The following BAZ1B variants were observed in gnomAD, a reference collection of about 807,000 sequenced individuals.
BAZ1B encodes bromodomain adjacent to zinc finger domain 1B.
In BAZ1B, 22 loss-of-function variants were observed where a neutral mutation model predicts 153.8. The observed-to-expected ratio is 0.14, with a 90% CI of 0.10 to 0.20. The LOEUF is 0.20. BAZ1B is among the 10% of genes least tolerant of loss of function. The pLI is 1.00. For missense variants in BAZ1B, 1,325 were observed against 1,799.3 expected (o/e 0.74, Z 4.77); for synonymous variants, 676 against 633.4 (o/e 1.07, Z -1.01).
intron 6 of BAZ1B, among the ~76,000 whole-genome samples, chr7:73,487,075 T>C (rs982908498): frequency 1.3e-4 from 20 of 152,218 alleles, no homozygotes; most frequent in African/African-American, 4.6e-4. Context: ...AGTCTTAAGT[T>C]TTCTGAGTAA....
intron 15 of BAZ1B, among the ~76,000 whole-genome samples, chr7:73,449,078 A>G (rs1554567453): frequency 1.3e-5 from 2 of 152,180 alleles, no homozygotes; most frequent in South Asian, 4.1e-4. Flanking sequence ...CATTGGATTG[A>G]TATCATGGCA....
At position 73,469,510 on chromosome 7, in the gene BAZ1B, T is replaced by C; in HGVS notation, c.2866+7A>G. The C allele has an allele frequency of 1.2e-6, 2 of 1,614,176 alleles. No homozygotes were observed. Among genetic ancestry groups the C allele is most frequent in the Non-Finnish European group, 1.7e-6 (2 of 1,180,012 alleles). On this transcript the variant is annotated splice_region_variant and intron_variant, in intron 9 of 19. Coordinates refer to ENST00000339594, the MANE Select transcript of BAZ1B (RefSeq NM_032408.4). ...GAAATAACTCTTAGATATACAGATATACTCACTGCGAGGACAGTAATCCTC... is the reference window on the plus strand; with the variant it reads ...GAAATAACTCTTAGATATACAGATACACTCACTGCGAGGACAGTAATCCTC...
chr7:73,482,576 T>A (rs1554573843), intron 6 of BAZ1B, among the ~76,000 whole-genome samples: 3 of 152,222 alleles, frequency 2.0e-5, no homozygotes, highest in Admixed American at 6.5e-5. Flanking sequence ...TTTAATAGGG[T>A]CTGTTACAAT....
At chr7:73,492,559 A>G (rs782434908) in intron 5 of BAZ1B, among the ~76,000 whole-genome samples, 2 of 152,210 alleles carry the variant, frequency 1.3e-5, no homozygotes, top group South Asian at 4.1e-4. Flanking sequence ...TCAAGCTCAA[A>G]TGTAAATTAC....
rs531856834 is a variant in BAZ1B, at chr7:73,522,257, T to G, written c.-324A>C. 7 of 367,086 alleles carry G rather than the reference T, an allele frequency of 1.9e-5. No homozygotes were observed. Among genetic ancestry groups the G allele is most frequent in the Middle Eastern group, 7.0e-4 (1 of 1,430 alleles). 22.7% of individuals were successfully genotyped at this position (367,086 alleles called of 1,614,324 possible). ...GAAATTATTGAAAAATGGCGGGAGA[T>G]TCCCCTCCTCCCCCGGGCCCGGCCA... On this transcript the variant is annotated 5_prime_UTR_variant, in exon 1 of 20. Coordinates refer to ENST00000339594, the MANE Select transcript of BAZ1B (RefSeq NM_032408.4).
At chr7:73,504,515 T>G (rs1277320549) in intron 3 of BAZ1B, among the ~76,000 whole-genome samples, 1 of 151,776 alleles carries the variant, frequency 6.6e-6, no homozygotes, top group Non-Finnish European at 1.5e-5. Context: ...TACAAAAAAA[T>G]TAGCGAGGCA....
chr7:73,465,565 T>C, intron 10 of BAZ1B, 28 bp from the exon 11 acceptor site: 1 of 1,373,544 alleles, frequency 7.3e-7, no homozygotes, highest in Non-Finnish European at 1.0e-6. Context: ...ACCTGATAAC[T>C]CTGAAAAAAA....
At chr7:73,495,817 G>C (rs1789855314) in intron 4 of BAZ1B, among the ~76,000 whole-genome samples, 1 of 152,138 alleles carries the variant, frequency 6.6e-6, no homozygotes, top group Admixed American at 6.6e-5. Context: ...CTTGTAAGTG[G>C]GAGCTAAATG....
chr7:73,501,465 CCT>C (rs1790130741), intron 3 of BAZ1B, among the ~76,000 whole-genome samples: 2 of 151,992 alleles, frequency 1.3e-5, no homozygotes, highest in Non-Finnish European at 2.9e-5. Flanking sequence ...TTATGTCATA[CCT>C]CTTTTCCTTT....
rs1280681891 is a variant in BAZ1B, at chr7:73,504,830, T to C, written c.369+3497A>G. Among the ~76,000 whole-genome samples, 6 of 151,626 alleles carry C rather than the reference T, an allele frequency of 4.0e-5. 1 individual carries two copies. The South Asian group carries it at 1.0e-3, about 26-fold the overall frequency. On this transcript the variant is annotated intron_variant, in intron 3 of 19. Transcript: ENST00000339594. ...AAGACACAGCAAGACCCTGTCTCAA[T>C]AAAAAACAAACAAAGAAACAAAAAC... is the stretch of plus-strand genomic sequence containing the variant.
At chr7:73,507,675 A>T (rs1229149435) in intron 3 of BAZ1B, among the ~76,000 whole-genome samples, 2 of 152,236 alleles carry the variant, frequency 1.3e-5, no homozygotes, top group Admixed American at 6.5e-5. Context: ...TACAATACTA[A>T]AACATTCTCA....
chr7:73,491,001 A>T (rs560905373), intron 5 of BAZ1B, among the ~76,000 whole-genome samples: 1 of 151,530 alleles, frequency 6.6e-6, no homozygotes, highest in South Asian at 2.1e-4. Flanking sequence ...ATATAAAAAA[A>T]TCCTGGCCAG....
At chr7:73,492,175 T>C (rs572239438) in intron 5 of BAZ1B, among the ~76,000 whole-genome samples, 118 of 150,318 alleles carry the variant, frequency 7.9e-4, no homozygotes, top group Admixed American at 2.8e-3. Flanking sequence ...TTTTGTTTTG[T>C]TTTTTGAGAA....
rs376766672 is a variant in BAZ1B, at chr7:73,442,231, C to T, written c.4417G>A (p.Val1473Ile). The change falls in exon 19 of 20, where the codon GTT (valine) becomes ATT (isoleucine). Residue 1473 changes from valine to isoleucine, a missense_variant. Val to Ile is a conservative substitution (Grantham distance 29, BLOSUM62 3). Around this residue, in one of 9 missense-constraint regions of BAZ1B, gnomAD observed 271 missense variants for 337.2 expected, o/e 0.80. Transcript: ENST00000339594. The part of the protein sequence containing the change: ...EDEGDSEPEA[V>I]GQSRGRRQKK Reference sequence around the variant, plus strand: ...TGTCTTCGTCCCCTGGACTGTCCAACGGCCTCTGGCTCACTGTCCCCTTCA... The same window carrying T: ...TGTCTTCGTCCCCTGGACTGTCCAATGGCCTCTGGCTCACTGTCCCCTTCA... 54 of 1,483,754 alleles carry T rather than the reference C, an allele frequency of 3.6e-5. No homozygotes were observed. Among genetic ancestry groups the T allele is most frequent in the Middle Eastern group, 3.7e-4 (2 of 5,396 alleles). 91.9% of individuals were successfully genotyped at this position (1,483,754 alleles called of 1,614,324 possible). A position where few individuals can be genotyped will look rare whatever the true frequency, so the allele number is the denominator to read the frequency against.
chr7:73,451,176 C>G (rs761664316), intron 13 of BAZ1B, among the ~76,000 whole-genome samples, 182 bp from the exon 14 acceptor site: 9 of 152,208 alleles, frequency 5.9e-5, no homozygotes, highest in Non-Finnish European at 1.2e-4. Flanking sequence ...AAAGGTCACA[C>G]AGAGATGCAG....
chr7:73,508,628 A>C (rs1046852081), intron 2 of BAZ1B, among the ~76,000 whole-genome samples, 157 bp from the exon 3 acceptor site: 7 of 152,158 alleles, frequency 4.6e-5, no homozygotes, highest in Non-Finnish European at 7.3e-5. Flanking sequence ...ATCATAGCTC[A>C]CTAGCCTCCA....
intron 16 of BAZ1B, 126 bp from the exon 17 acceptor site, chr7:73,444,255 G>C: frequency 9.1e-7 from 1 of 1,103,060 alleles, no homozygotes; most frequent in African/African-American, 1.6e-5. Flanking sequence ...GCCTCCTTTG[G>C]TTTTAAGGTG....
In BAZ1B at chr7:73,450,323, C is replaced by T. The variant is rs1166280070; in HGVS notation, c.3580+524G>A. Among the ~76,000 whole-genome samples, 1 of 152,184 alleles carries T rather than the reference C, an allele frequency of 6.6e-6. No individual in the cohort carries two copies. Among genetic ancestry groups the T allele is most frequent in the African/African-American group, 2.4e-5 (1 of 41,454 alleles). Reference sequence around the variant, plus strand: ...CAACCTTCATTCTAGAGCGATTGAACGCTTTACAGCAACTGAATGATTTTA... The same window carrying T: ...CAACCTTCATTCTAGAGCGATTGAATGCTTTACAGCAACTGAATGATTTTA... On this transcript the variant is annotated intron_variant, in intron 14 of 19. Coordinates refer to ENST00000339594, the MANE Select transcript of BAZ1B (RefSeq NM_032408.4). The surrounding 1 kb of genome is among the most constrained non-coding windows in gnomAD (Gnocchi z 4.1).
chr7:73,494,483 A>G (rs922154963), intron 4 of BAZ1B, among the ~76,000 whole-genome samples: 4 of 152,162 alleles, frequency 2.6e-5, no homozygotes, highest in Admixed American at 6.5e-5. Flanking sequence ...ACAGGCTCAC[A>G]CAGGTAATCC....
Sources: allele counts gnomAD v4.1 joint callset (sites outside exome capture counted in the v4.1 genomes callset), GRCh38; gene constraint gnomAD v4.1.1; regional missense constraint gnomAD v4.1.1; non-coding constraint Gnocchi (gnomAD v3.1); transcripts MANE v1.5; gene names NCBI Gene and HGNC (gene_info 2026-07-23, HGNC 2026-07-21).